The following CAPN8 variants were observed in gnomAD, a reference collection of about 807,000 sequenced individuals.
The protein encoded by CAPN8 is calpain 8, also known as calpain-8.
A neutral mutation model predicts 80.9 loss-of-function variants in CAPN8; 87 were observed. The observed-to-expected ratio is 1.07, with a 90% CI of 0.90 to 1.28. The LOEUF (loss-of-function observed/expected upper bound fraction) is 1.28, where lower values mean the gene tolerates loss of function less well. Ranked by LOEUF, CAPN8 falls within the 50% of genes most tolerant of loss-of-function variation. The pLI, the probability that CAPN8 is intolerant of heterozygous loss-of-function variation, is 0.00. For missense variants in CAPN8, 757 were observed against 702.0 expected (o/e 1.08, Z -0.89); for synonymous variants, 299 against 273.8 (o/e 1.09, Z -0.91).
intron 11 of CAPN8, among the ~76,000 whole-genome samples, chr1:223,610,323 C>A (rs1232973313): frequency 6.6e-6 from 1 of 152,186 alleles, no homozygotes; most frequent in African/African-American, 2.4e-5. Context: ...GCCCCCACTA[C>A]CCTAGTCAGG....
chr1:223,544,701 C>T, intron 18 of CAPN8, 71 bp downstream of exon 18: 1 of 1,538,474 alleles, frequency 6.5e-7, no homozygotes, highest in South Asian at 1.2e-5. Context: ...TAGCAATCAT[C>T]ATCATGAGAA....
intron 17 of CAPN8, 22 bp downstream of exon 17, chr1:223,545,209 C>T: frequency 6.4e-7 from 1 of 1,551,612 alleles, no homozygotes; most frequent in Non-Finnish European, 8.7e-7. Context: ...GGAGAGGATG[C>T]CCAGAAGGAA....
chr1:223,647,525 C>T (rs568691026), intron 2 of CAPN8, among the ~76,000 whole-genome samples: 59 of 152,226 alleles, frequency 3.9e-4, no homozygotes, highest in African/African-American at 1.4e-3. Flanking sequence ...TCTTTCTTCC[C>T]TCCTGCTTGC....
rs746125078 is a variant in CAPN8, at chr1:223,544,271, GC to G, written c.1913-89del. Reference sequence around the variant, plus strand: ...CACTCAAGGAGCTGACATCCCAGGGGCCCCTCTGTGGTTCTGTATCAATCTG... The same window carrying G: ...CACTCAAGGAGCTGACATCCCAGGGGCCCTCTGTGGTTCTGTATCAATCTG... On this transcript the variant is annotated intron_variant, in intron 18 of 20. Transcript: ENST00000366872. The G allele has an allele frequency of 5.9e-5, 40 of 678,762 alleles. 1 individual carries two copies. The South Asian group carries it at 6.4e-4, about 11-fold the overall frequency. 42.0% of individuals were successfully genotyped at this position (678,762 alleles called of 1,614,324 possible).
At chr1:223,631,459 AG>A (rs1486489697) in intron 2 of CAPN8, among the ~76,000 whole-genome samples, 2 of 152,028 alleles carry the variant, frequency 1.3e-5, no homozygotes, top group Non-Finnish European at 2.9e-5. Context: ...GCAAGTTCTA[AG>A]GCCACTTGAT....
chr1:223,615,133 T>C (rs943708893), intron 10 of CAPN8, among the ~76,000 whole-genome samples: 2 of 152,240 alleles, frequency 1.3e-5, no homozygotes, highest in South Asian at 4.1e-4. Flanking sequence ...ATTACAATAT[T>C]TTTTTCATAC....
rs1033343831 is a variant in CAPN8 at position 223,619,402 on chromosome 1, G to T, written c.1026C>A (p.Asn342Lys). ...VRQFSRLEICNLSPDSLSSEE... is the reference protein window; with the variant it reads ...VRQFSRLEICKLSPDSLSSEE... ...CGCTACTCAGAGAGTCCGGGGACAG[G>T]TTGCAGATCTCCAACCGAGAGAACT... The change falls in exon 9 of 21, where the codon AAC becomes AAA. Residue 342 changes from asparagine to lysine, a missense_variant. Asn to Lys is a moderately conservative substitution (Grantham distance 94, BLOSUM62 0). Coordinates refer to ENST00000366872, the MANE Select transcript of CAPN8 (RefSeq NM_001143962.2). 12 of 1,551,538 alleles carry T rather than the reference G, an allele frequency of 7.7e-6. No homozygotes were observed. The highest frequency in any genetic ancestry group is 4.8e-5 in the South Asian group (4 of 84,062).
intron 2 of CAPN8, among the ~76,000 whole-genome samples, chr1:223,643,202 G>T (rs977571358): frequency 6.6e-6 from 1 of 152,234 alleles, no homozygotes; most frequent in African/African-American, 2.4e-5. Flanking sequence ...TACACGGGAT[G>T]AGATACAAAA....
chr1:223,663,311 C>G (rs868403645), intron 1 of CAPN8, among the ~76,000 whole-genome samples: 25 of 152,312 alleles, frequency 1.6e-4, no homozygotes, highest in Middle Eastern at 3.4e-3. Flanking sequence ...TGATACCTGA[C>G]TTTGGTCTCT....
At chr1:223,552,391 C>A (rs1385314615) in intron 14 of CAPN8, among the ~76,000 whole-genome samples, 1 of 152,068 alleles carries the variant, frequency 6.6e-6, no homozygotes, top group Non-Finnish European at 1.5e-5. Flanking sequence ...TGGCGAAACC[C>A]TGTCTCTACT....
chr1:223,615,741 G>A (rs1466386937), intron 10 of CAPN8: 1 of 658,708 alleles, frequency 1.5e-6, no homozygotes, highest in South Asian at 1.5e-5. Flanking sequence ...AAAGGTTAAT[G>A]TATCACACAT....
Position 223,543,088 on chromosome 1 carries a change from T to A in CAPN8, c.2088+20A>T. 6.4e-7 allele frequency: 1 copy of A among 1,551,488 alleles called. No homozygotes were observed. Among genetic ancestry groups the A allele is most frequent in the Non-Finnish European group, 8.7e-7 (1 of 1,146,900 alleles). On this transcript the variant is annotated intron_variant, in intron 20 of 20. Transcript: ENST00000366872. ...CAGAGTACCATCAGCCAGCAATTCA[T>A]CAAACCTCAGGACATTCACCTCGGC... is the stretch of plus-strand genomic sequence containing the variant.
rs1216109343 is a variant in CAPN8 at position 223,549,319 on chromosome 1, T to C, written c.1763A>G (p.Asp588Gly). The part of the protein sequence containing the change: ...NTCREMISLL[D>G]SNGTGTLGAV... Reference sequence around the variant, plus strand: ...AATAATGCAACATTTAAAGGATACATCCAACAGACTGATCATTTCCCTGCA... The same window carrying C: ...AATAATGCAACATTTAAAGGATACACCCAACAGACTGATCATTTCCCTGCA... Residue 588 changes from aspartate (D) to glycine (G), a missense_variant and splice_region_variant, in exon 16 of 21, where the codon GAT (aspartate) becomes GGT (glycine). By Grantham distance (94) the Asp-to-Gly change is moderately conservative. Transcript: ENST00000366872. 1 of 1,551,346 alleles carries C rather than the reference T, an allele frequency of 6.4e-7. No individual in the cohort carries two copies. The highest frequency in any genetic ancestry group is 8.7e-7 in the Non-Finnish European group (1 of 1,146,928).
chr1:223,630,330 C>T (rs1410883196), intron 2 of CAPN8, among the ~76,000 whole-genome samples: 2 of 152,122 alleles, frequency 1.3e-5, no homozygotes, highest in African/African-American at 4.8e-5. Flanking sequence ...CACACACATA[C>T]TCATTTACTT....
intron 7 of CAPN8, among the ~76,000 whole-genome samples, chr1:223,622,154 G>A (rs960883785): frequency 6.6e-6 from 1 of 152,092 alleles, no homozygotes; most frequent in African/African-American, 2.4e-5. Context: ...GCCTCTGCCA[G>A]GCCAGCTGTG....
chr1:223,649,206 A>G (rs1023140323), intron 2 of CAPN8, among the ~76,000 whole-genome samples: 23 of 152,230 alleles, frequency 1.5e-4, no homozygotes, highest in African/African-American at 5.5e-4. Flanking sequence ...CTATTTACAC[A>G]TAGAGACGAT....
chr1:223,652,357 T>C (rs1461798525), intron 2 of CAPN8, among the ~76,000 whole-genome samples: 3 of 151,958 alleles, frequency 2.0e-5, no homozygotes, highest in African/African-American at 7.3e-5. Flanking sequence ...TATATATATA[T>C]AAACATCTTT....
intron 2 of CAPN8, among the ~76,000 whole-genome samples, chr1:223,634,143 C>T (rs1163002460): frequency 6.6e-6 from 1 of 152,134 alleles, no homozygotes; most frequent in Non-Finnish European, 1.5e-5. Context: ...AAGTCTCCCT[C>T]GGGTATTATG....
intron 1 of CAPN8, among the ~76,000 whole-genome samples, chr1:223,656,588 A>C (rs1338501473): frequency 6.6e-6 from 1 of 151,578 alleles, no homozygotes. Context: ...CAGAGTCCGC[A>C]CTGGTAGCAT....
Sources: allele counts gnomAD v4.1 joint callset (sites outside exome capture counted in the v4.1 genomes callset), GRCh38; gene constraint gnomAD v4.1.1; transcripts MANE v1.5; gene names NCBI Gene and HGNC (gene_info 2026-07-23, HGNC 2026-07-21).